The following CHIC1 variants were observed in gnomAD, a reference collection of about 807,000 sequenced individuals.
CHIC1 encodes the protein cysteine rich hydrophobic domain 1, also known as cysteine-rich hydrophobic domain-containing protein 1.
CHIC1 carries 7 observed loss-of-function variants against 18.5 expected under a neutral mutation model. The observed-to-expected ratio is 0.38, with a 90% confidence interval of 0.22 to 0.71. The LOEUF (loss-of-function observed/expected upper bound fraction) is 0.71. CHIC1 is among the 30% of genes least tolerant of loss of function. The probability of loss-of-function intolerance (pLI) is 0.49; values close to 1 mark genes in which losing one functional copy is unlikely to be tolerated. For missense variants in CHIC1, 159 were observed against 176.9 expected (o/e 0.90, Z 0.57); for synonymous variants, 77 against 73.5 (o/e 1.05, Z -0.25).
intron 3 of CHIC1, among the ~76,000 whole-genome samples, chrX:73,638,974 C>A (rs975011302): frequency 3.6e-5 from 4 of 111,848 alleles, no homozygotes; most frequent in African/African-American, 1.3e-4. Context: ...GTCAGCAGTA[C>A]TGCAGTGAAC....
chrX:73,668,869 C>T (rs1430986759), intron 3 of CHIC1, among the ~76,000 whole-genome samples: 1 of 112,607 alleles, frequency 8.9e-6, no homozygotes, highest in Non-Finnish European at 1.9e-5. Context: ...TTTGGCAGAG[C>T]AGCTGTGCTG....
chrX:73,599,698 G>T lies in CHIC1; in HGVS notation c.507+15126G>T, dbSNP rs2057632542. 1.9e-5 allele frequency among the ~76,000 whole-genome samples: 2 copies of T among 104,862 alleles called. 1 individual carries two copies. The highest frequency in any genetic ancestry group is 7.6e-5 in the African/African-American group (2 of 26,278). The allele number at this position is 104,862 out of a possible 115,157, so 91.1% of individuals were successfully genotyped here. A position where few individuals can be genotyped will look rare whatever the true frequency, so the allele number is the denominator to read the frequency against. The stretch of plus-strand genomic sequence containing the variant: ...TTCTGTTCCATTGATCTATATCTCT[G>T]TTTTGGTACCAGTACCATGCTGTTT... On this transcript the variant is annotated intron_variant, in intron 3 of 5. Coordinates refer to ENST00000373502, the MANE Select transcript of CHIC1 (RefSeq NM_001039840.4).
intron 1 of CHIC1, among the ~76,000 whole-genome samples, chrX:73,564,718 A>T (rs1169182610): frequency 9.2e-6 from 1 of 109,283 alleles, no homozygotes; most frequent in Non-Finnish European, 1.9e-5. Context: ...TTTGACTTTC[A>T]ATTGAGTTCA....
At chrX:73,613,792 TTCCC>T (rs898061509) in intron 3 of CHIC1, among the ~76,000 whole-genome samples, 1 of 111,001 alleles carries the variant, frequency 9.0e-6, no homozygotes, top group African/African-American at 3.3e-5. Context: ...TTTATATACC[TTCCC>T]TCCCTCTCTC....
At chrX:73,609,473 C>T (rs1266073219) in intron 3 of CHIC1, among the ~76,000 whole-genome samples, 2 of 109,031 alleles carry the variant, frequency 1.8e-5, no homozygotes, top group African/African-American at 7.1e-5. Flanking sequence ...GCAATCATAG[C>T]TCACTTCAGC....
chrX:73,628,296 C>A (rs931344117), intron 3 of CHIC1, among the ~76,000 whole-genome samples: 1 of 111,786 alleles, frequency 8.9e-6, no homozygotes, highest in African/African-American at 3.3e-5. Flanking sequence ...CTCCAGCTGG[C>A]GTCTCAGCAT....
intron 3 of CHIC1, among the ~76,000 whole-genome samples, chrX:73,641,843 T>C (rs774766169): frequency 7.3e-4 from 82 of 111,676 alleles, no homozygotes; most frequent in East Asian, 1.1e-3. Flanking sequence ...ACAAAGGACA[T>C]GAACTCATCA....
At chrX:73,597,419 C>A (rs2057615187) in intron 3 of CHIC1, among the ~76,000 whole-genome samples, 1 of 109,306 alleles carries the variant, frequency 9.1e-6, no homozygotes, top group Non-Finnish European at 1.9e-5. Flanking sequence ...TAATTTCTAC[C>A]GTTCTGTGGT....
intron 5 of CHIC1, among the ~76,000 whole-genome samples, chrX:73,680,073 C>T (rs1443274106): frequency 4.7e-5 from 5 of 106,087 alleles, no homozygotes; most frequent in Non-Finnish European, 9.7e-5. Context: ...GAGTTGATAT[C>T]TGCATTCTGG....
chrX:73,597,739 T>C (rs1365162058), intron 3 of CHIC1, among the ~76,000 whole-genome samples: 2 of 109,121 alleles, frequency 1.8e-5, no homozygotes, highest in African/African-American at 6.7e-5. Context: ...TCATCTACAT[T>C]AGGTATTTCT....
At chrX:73,582,479 T>G (rs2057532543) in intron 2 of CHIC1, among the ~76,000 whole-genome samples, 1 of 110,286 alleles carries the variant, frequency 9.1e-6, no homozygotes, top group Non-Finnish European at 1.9e-5. Context: ...CTTTTTTTTT[T>G]GCTGAAGAAT....
chrX:73,625,898 C>G (rs1350545657), intron 3 of CHIC1, among the ~76,000 whole-genome samples: 1 of 110,483 alleles, frequency 9.1e-6, no homozygotes, highest in Non-Finnish European at 1.9e-5. Context: ...TAAATTGGGC[C>G]TCTAACTCAA....
intron 3 of CHIC1, among the ~76,000 whole-genome samples, chrX:73,599,458 G>T (rs975392086): frequency 1.0e-5 from 1 of 95,497 alleles, no homozygotes; most frequent in African/African-American, 4.6e-5. Context: ...GGGTTTTTAT[G>T]GTTTTAGGTC....
chrX:73,619,760 A>G (rs1360990225), intron 3 of CHIC1, among the ~76,000 whole-genome samples: 1 of 111,197 alleles, frequency 9.0e-6, no homozygotes, highest in Non-Finnish European at 1.9e-5. Flanking sequence ...CAGATCGTGC[A>G]GGTTTGTTAC....
chrX:73,609,813 G>T (rs1368156803), intron 3 of CHIC1, among the ~76,000 whole-genome samples: 1 of 109,461 alleles, frequency 9.1e-6, no homozygotes, highest in East Asian at 2.8e-4. Flanking sequence ...GACATTTCAA[G>T]TTCTCTCTTC....
At chrX:73,640,943 T>C (rs1487344941) in intron 3 of CHIC1, among the ~76,000 whole-genome samples, 1 of 111,506 alleles carries the variant, frequency 9.0e-6, no homozygotes, top group Non-Finnish European at 1.9e-5. Flanking sequence ...AGGTTGTTAA[T>C]TTGAGATGTT....
At chrX:73,666,151 G>C (rs2058003435) in intron 3 of CHIC1, among the ~76,000 whole-genome samples, 1 of 111,747 alleles carries the variant, frequency 8.9e-6, no homozygotes, top group South Asian at 3.7e-4. Context: ...CTTCCAAGAA[G>C]GTTTGCATTT....
intron 3 of CHIC1, among the ~76,000 whole-genome samples, chrX:73,648,397 G>A (rs775899012): frequency 8.9e-6 from 1 of 112,172 alleles, no homozygotes; most frequent in African/African-American, 3.2e-5. Flanking sequence ...GGCTTCAGAA[G>A]ATGGGTAATA....
At chrX:73,650,681 GTAAT>G in intron 3 of CHIC1, among the ~76,000 whole-genome samples, 2 of 79,039 alleles carry the variant, frequency 2.5e-5, no homozygotes, top group Admixed American at 3.4e-4. Flanking sequence ...AATTGAGGCA[GTAAT>G]TAATAGCCTA....
Sources: gnomAD v4.1 joint callset for allele counts (sites outside exome capture counted in the v4.1 genomes callset) on GRCh38, gnomAD v4.1.1 for gene constraint, MANE v1.5 for transcripts, NCBI Gene and HGNC (gene_info 2026-07-23, HGNC 2026-07-21) for gene names.